Variants in RNF121 observed in about 807,000 individuals in gnomAD.
The protein encoded by RNF121 is ring finger protein 121, also known as E3 ubiquitin ligase RNF121.
A neutral mutation model predicts 46.5 loss-of-function variants in RNF121; 21 were observed. The ratio of observed to expected loss-of-function variants is 0.45; its 90% confidence interval spans 0.32 to 0.65. The LOEUF is 0.65. Ranked by LOEUF, RNF121 falls within the 30% of genes least tolerant of loss-of-function variation. The probability of loss-of-function intolerance (pLI) is 0.04; values close to 1 mark genes in which losing one functional copy is unlikely to be tolerated. For synonymous variants in RNF121, 139 were observed against 144.7 expected (o/e 0.96, Z 0.28); for missense variants, 346 against 416.0 (o/e 0.83, Z 1.46).
chr11:71,983,042 C>A, intron 4 of RNF121, 127 bp downstream of exon 4: 1 of 887,510 alleles, frequency 1.1e-6, no homozygotes, highest in Non-Finnish European at 1.6e-6. Context: ...TGGCATGGGG[C>A]CTCTCTAAAA....
chr11:71,956,699 C>T (rs1263198862), intron 1 of RNF121, among the ~76,000 whole-genome samples: 1 of 152,160 alleles, frequency 6.6e-6, no homozygotes. Flanking sequence ...ATACTTTTTG[C>T]TCTAGCCATA....
intron 3 of RNF121, among the ~76,000 whole-genome samples, chr11:71,975,575 A>G (rs1173565335): frequency 1.3e-5 from 2 of 152,176 alleles, no homozygotes; most frequent in Admixed American, 6.5e-5. Context: ...ACTCCATTAA[A>G]GCACTTAATT....
intron 7 of RNF121, 164 bp from the exon 8 acceptor site, chr11:71,995,286 C>A (rs79000239): frequency 0.036 from 22,623 of 634,736 alleles, 446 homozygotes; most frequent in East Asian, 0.065. Context: ...AGATAGGGAT[C>A]ATTATCCTTA....
At chr11:71,949,043 A>G (rs147997368) in intron 1 of RNF121, among the ~76,000 whole-genome samples, 1 of 152,220 alleles carries the variant, frequency 6.6e-6, no homozygotes, top group East Asian at 1.9e-4. Flanking sequence ...TATATTTAAT[A>G]GTCTGTCTCT....
Position 71,995,531 on chromosome 11 carries a change from C to A in RNF121, c.843C>A (p.Leu281=). ...TCPYCKEKVD[L]KRMFSNPWER... ...CCTACTGCAAAGAGAAGGTAGACCT[C>A]AAGAGGATGTTCAGCAATCCGTATC... is the stretch of plus-strand genomic sequence containing the variant. The change falls in exon 8 of 9, where the codon CTC becomes CTA. Residue 281 remains leucine (L), a synonymous_variant. Coordinates refer to ENST00000361756, the MANE Select transcript of RNF121 (RefSeq NM_018320.5). 4 of 1,591,178 alleles carry A rather than the reference C, an allele frequency of 2.5e-6. No homozygotes were observed. The highest frequency in any genetic ancestry group is 2.6e-6 in the Non-Finnish European group (3 of 1,166,824).
chr11:71,993,528 G>A (rs1265219909), intron 6 of RNF121, among the ~76,000 whole-genome samples: 1 of 152,158 alleles, frequency 6.6e-6, no homozygotes, highest in Non-Finnish European at 1.5e-5. Context: ...TGTATAGAAT[G>A]TATCATTCCT....
chr11:71,973,779 C>A (rs968127562), intron 3 of RNF121, among the ~76,000 whole-genome samples: 1 of 151,824 alleles, frequency 6.6e-6, no homozygotes, highest in Non-Finnish European at 1.5e-5. Flanking sequence ...AAGAGTGAAA[C>A]TCTGTCTCAA....
chr11:71,965,550 T>A (rs918576903), intron 3 of RNF121, among the ~76,000 whole-genome samples: 1 of 152,130 alleles, frequency 6.6e-6, no homozygotes, highest in Non-Finnish European at 1.5e-5. Context: ...CTGGCCTGCA[T>A]AGTATTTTGG....
At chr11:71,983,914 T>A (rs892910766) in intron 4 of RNF121, 3 of 152,292 alleles carry the variant, frequency 2.0e-5, no homozygotes, top group African/African-American at 7.2e-5. Flanking sequence ...CTGCAAGCCT[T>A]TCTCTGGCCT....
chr11:71,994,605 C>T, intron 6 of RNF121, 114 bp from the exon 7 acceptor site: 1 of 1,207,554 alleles, frequency 8.3e-7, no homozygotes, highest in Non-Finnish European at 1.2e-6. Flanking sequence ...TAACTCTGGG[C>T]CTCCCGCTGC....
At chr11:71,994,901 C>T in intron 7 of RNF121, 49 bp downstream of exon 7, 1 of 1,611,388 alleles carries the variant, frequency 6.2e-7, no homozygotes, top group East Asian at 2.2e-5. Context: ...AATCTGCACA[C>T]TGTAGTGAGA....
intron 3 of RNF121, among the ~76,000 whole-genome samples, chr11:71,977,375 G>A (rs1954549560): frequency 6.6e-6 from 1 of 152,156 alleles, no homozygotes; most frequent in South Asian, 2.1e-4. Context: ...GGATCTGGAG[G>A]TTGTCTTATT....
intron 1 of RNF121, among the ~76,000 whole-genome samples, chr11:71,947,870 G>A (rs1296549040): frequency 6.6e-6 from 1 of 152,192 alleles, no homozygotes; most frequent in African/African-American, 2.4e-5. Flanking sequence ...GTTAGAGAAA[G>A]AGCAAGGGAT....
At chr11:71,955,784 C>T (rs1953977257) in intron 1 of RNF121, among the ~76,000 whole-genome samples, 1 of 152,158 alleles carries the variant, frequency 6.6e-6, no homozygotes, top group Non-Finnish European at 1.5e-5. Flanking sequence ...AAATGTGATT[C>T]ATAATTGCCT....
chr11:71,955,208 T>C (rs191166594), intron 1 of RNF121, among the ~76,000 whole-genome samples: 4 of 152,322 alleles, frequency 2.6e-5, no homozygotes, highest in Admixed American at 1.3e-4. Flanking sequence ...CCAGGTCTCT[T>C]GCTTGCCCTA....
chr11:71,980,377 C>A (rs76230847), intron 3 of RNF121, among the ~76,000 whole-genome samples: 114 of 151,140 alleles, frequency 7.5e-4, no homozygotes, highest in African/African-American at 2.6e-3. Context: ...TGGAGTCTAA[C>A]ACTCTGTCAC....
chr11:71,994,943 T>G (rs1954944698), intron 7 of RNF121, 91 bp downstream of exon 7: 1 of 1,554,074 alleles, frequency 6.4e-7, no homozygotes, highest in African/African-American at 1.3e-5. Context: ...ACCCTAGGCA[T>G]GCTGTCCAGA....
intron 1 of RNF121, among the ~76,000 whole-genome samples, chr11:71,946,797 C>T (rs1382074738): frequency 6.6e-6 from 1 of 150,900 alleles, no homozygotes; most frequent in Admixed American, 6.6e-5. Flanking sequence ...ACTGCAGCCT[C>T]TGCCTCCCGG....
At chr11:71,931,670 A>G (rs1045975158) in intron 1 of RNF121, among the ~76,000 whole-genome samples, 6 of 152,188 alleles carry the variant, frequency 3.9e-5, no homozygotes, top group Non-Finnish European at 7.3e-5. Flanking sequence ...TTATAATACT[A>G]GATAATTGCT....
Sources: gnomAD v4.1 joint callset for allele counts (sites outside exome capture counted in the v4.1 genomes callset) on GRCh38, gnomAD v4.1.1 for gene constraint, MANE v1.5 for transcripts, NCBI Gene and HGNC (gene_info 2026-07-23, HGNC 2026-07-21) for gene names.